Variants in RBM20 observed in about 807,000 individuals in gnomAD.
The protein encoded by RBM20 is RNA binding motif protein 20, also known as RNA-binding protein 20.
A neutral mutation model predicts 110.1 loss-of-function variants in RBM20; 51 were observed. The ratio of observed to expected loss-of-function variants is 0.46; its 90% confidence interval spans 0.37 to 0.59. RBM20 has a LOEUF of 0.59. Among genes scored for constraint, RBM20 ranks in the 20% least tolerant of loss-of-function variants. The pLI, the probability that RBM20 is intolerant of heterozygous loss-of-function variation, is 0.00. For synonymous variants in RBM20, 589 were observed against 618.2 expected (o/e 0.95, Z 0.70); for missense variants, 1,512 against 1,574.9 (o/e 0.96, Z 0.68).
chr10:110,687,995 T>TTGTGTGTGTGTGTGTGTGTG (rs60479740), intron 1 of RBM20, among the ~76,000 whole-genome samples: 1 of 145,376 alleles, frequency 6.9e-6, no homozygotes, highest in African/African-American at 2.5e-5. Flanking sequence ...CTAAATGGTT[T>TTGTGTGTGTGTGTGTGTGTG]TGTGTGTGTG....
At chr10:110,711,408 C>A (rs1378272175) in intron 1 of RBM20, among the ~76,000 whole-genome samples, 1 of 151,052 alleles carries the variant, frequency 6.6e-6, no homozygotes, top group Non-Finnish European at 1.5e-5. Flanking sequence ...CCACCTTTAC[C>A]CCAAGCTACC....
At chr10:110,820,986 A>G (rs919479246) in intron 10 of RBM20, among the ~76,000 whole-genome samples, 2 of 152,220 alleles carry the variant, frequency 1.3e-5, no homozygotes, top group African/African-American at 4.8e-5. Context: ...TTCATTATTC[A>G]TGCATTCAAA....
rs1341075680 is a variant in RBM20 at position 110,838,456 on chromosome 10, T to A, written c.*2478T>A. ...TCCATTTCTCAGAAAACCTTTGATC[T>A]TGTGTGTCTTTCTTCCTACTGAAGG... On this transcript the variant is annotated 3_prime_UTR_variant, in exon 14 of 14. Transcript: ENST00000369519. 6.6e-6 allele frequency: 1 copy of A among 152,236 alleles called. No homozygotes were observed. The highest frequency in any genetic ancestry group is 2.4e-5 in the African/African-American group (1 of 41,450). 9.4% of individuals were successfully genotyped at this position (152,236 alleles called of 1,614,324 possible).
At chr10:110,718,560 T>G (rs1458103813) in intron 1 of RBM20, among the ~76,000 whole-genome samples, 2 of 151,546 alleles carry the variant, frequency 1.3e-5, no homozygotes, top group Non-Finnish European at 2.9e-5. Flanking sequence ...TTTTTTAGTT[T>G]TTTTTTTTTG....
In RBM20 at chr10:110,678,226, C is replaced by T. The variant is rs534275461; in HGVS notation, c.191+33581C>T. Reference sequence around the variant, plus strand: ...AAGTTTATCCACACAAAACAAATCCCTATAAAAACCTAACCAAAGAGCAAA... The same window carrying T: ...AAGTTTATCCACACAAAACAAATCCTTATAAAAACCTAACCAAAGAGCAAA... On this transcript the variant is annotated intron_variant, in intron 1 of 13. Transcript: ENST00000369519. Among the ~76,000 whole-genome samples the T allele has an allele frequency of 6.6e-5, 10 of 152,236 alleles. No individual in the cohort carries two copies. In the South Asian group the frequency reaches 1.9e-3, roughly 28 times the overall value.
At position 110,644,524 on chromosome 10, in the gene RBM20, T is replaced by C. The variant is rs1371624996; in HGVS notation, c.70T>C (p.Cys24Arg). The change falls in exon 1 of 14, where the codon TGC (cysteine) becomes CGC (arginine). Residue 24 changes from cysteine (C) to arginine (R), a missense_variant. Cys to Arg is a radical substitution (Grantham distance 180). Transcript: ENST00000369519. This position sits in a 1 kb window ranked among gnomAD's most constrained non-coding sequence, Gnocchi z 4.3. ...TCCGGAGCAGCCGGACAGAGTTGCC[T>C]GCAGTGTGCCTGGTGCCCGGGCGTC... ...SGPEQPDRVA[C>R]SVPGARASPA... 1.3e-6 allele frequency: 2 copies of C among 1,529,402 alleles called. No homozygotes were observed. Among genetic ancestry groups the C allele is most frequent in the Non-Finnish European group, 1.8e-6 (2 of 1,141,486 alleles). The allele number at this position is 1,529,402 out of a possible 1,614,324, so 94.7% of individuals were successfully genotyped here. A position where few individuals can be genotyped will look rare whatever the true frequency, so the allele number is the denominator to read the frequency against.
At chr10:110,823,975 C>T (rs1844950832) in intron 12 of RBM20, among the ~76,000 whole-genome samples, 1 of 151,844 alleles carries the variant, frequency 6.6e-6, no homozygotes, top group African/African-American at 2.4e-5. Context: ...GATCCTCCTG[C>T]CTCAGCTTCC....
rs1485843865 is a variant in RBM20, at chr10:110,837,812, G to A, written c.*1834G>A. ...AGAGAGCAGTTAAGGCAAGCACCAG[G>A]GGAAAGCAGACCAACTTGAACAGAT... On this transcript the variant is annotated 3_prime_UTR_variant, in exon 14 of 14. Coordinates refer to ENST00000369519, the MANE Select transcript of RBM20 (RefSeq NM_001134363.3). 12 of 152,310 alleles carry A rather than the reference G, an allele frequency of 7.9e-5. No homozygotes were observed. The highest frequency in any genetic ancestry group is 4.6e-4 in the Admixed American group (7 of 15,280). 9.4% of individuals were successfully genotyped at this position (152,310 alleles called of 1,614,324 possible). A position where few individuals can be genotyped will look rare whatever the true frequency, so the allele number is the denominator to read the frequency against.
At chr10:110,802,303 C>T (rs903246272) in intron 7 of RBM20, among the ~76,000 whole-genome samples, 1 of 151,994 alleles carries the variant, frequency 6.6e-6, no homozygotes, top group Admixed American at 6.6e-5. Flanking sequence ...CAACCAGCTT[C>T]CAGAGTCCTG....
At chr10:110,679,720 G>T (rs904160637) in intron 1 of RBM20, among the ~76,000 whole-genome samples, 1 of 152,186 alleles carries the variant, frequency 6.6e-6, no homozygotes, top group South Asian at 2.1e-4. Flanking sequence ...CCACAGGCTG[G>T]CAGTCTGTCT....
At chr10:110,780,734 CAAAG>C (rs1844326212) in intron 1 of RBM20, 63 bp from the exon 2 acceptor site, 1 of 1,440,832 alleles carries the variant, frequency 6.9e-7, no homozygotes, top group African/African-American at 1.4e-5. Context: ...CCACAGATAA[CAAAG>C]AACAGCCCCT....
chr10:110,802,742 G>T (rs1016073204), intron 7 of RBM20, among the ~76,000 whole-genome samples: 2 of 152,172 alleles, frequency 1.3e-5, no homozygotes, highest in Non-Finnish European at 2.9e-5. Context: ...GGTGGAACTG[G>T]GCCAGGTGCC....
chr10:110,817,644 G>A (rs1245995402), intron 9 of RBM20, among the ~76,000 whole-genome samples: 1 of 152,242 alleles, frequency 6.6e-6, no homozygotes, highest in East Asian at 1.9e-4. Context: ...AAGAGCTTGA[G>A]TATTAAGTGC....
intron 1 of RBM20, among the ~76,000 whole-genome samples, chr10:110,690,590 T>A (rs1034125964): frequency 6.6e-6 from 1 of 152,192 alleles, no homozygotes; most frequent in African/African-American, 2.4e-5. Context: ...CTACTTTCTG[T>A]CTCTATGAAT....
intron 1 of RBM20, among the ~76,000 whole-genome samples, chr10:110,751,364 T>C (rs1402238075): frequency 6.6e-6 from 1 of 152,194 alleles, no homozygotes; most frequent in Non-Finnish European, 1.5e-5. Flanking sequence ...CACAGCATCA[T>C]TTCACAAAGC....
At chr10:110,782,576 T>C (rs1264511568) in intron 2 of RBM20, among the ~76,000 whole-genome samples, 1 of 152,198 alleles carries the variant, frequency 6.6e-6, no homozygotes, top group Non-Finnish European at 1.5e-5. Flanking sequence ...GAGGTAGATA[T>C]TATTATGATT....
chr10:110,767,335 G>T (rs1344000597), intron 1 of RBM20, among the ~76,000 whole-genome samples: 2 of 145,752 alleles, frequency 1.4e-5, no homozygotes, highest in African/African-American at 2.6e-5. Context: ...CTAGCCGGGT[G>T]GGGGGCTGAC....
intron 1 of RBM20, among the ~76,000 whole-genome samples, chr10:110,656,944 A>G (rs1310239829): frequency 6.6e-6 from 1 of 151,780 alleles, no homozygotes; most frequent in Non-Finnish European, 1.5e-5. Context: ...TTTTTGTACA[A>G]GTTTTTGTTT....
intron 13 of RBM20, among the ~76,000 whole-genome samples, chr10:110,834,149 A>G (rs17764171): frequency 0.18 from 27,780 of 152,118 alleles, 3,295 homozygotes; most frequent in Non-Finnish European, 0.27. Context: ...CGATAGGAAA[A>G]CTAGATACCT....
Sources: allele counts gnomAD v4.1 joint callset (sites outside exome capture counted in the v4.1 genomes callset), GRCh38; gene constraint gnomAD v4.1.1; non-coding constraint Gnocchi (gnomAD v3.1); transcripts MANE v1.5; gene names NCBI Gene and HGNC (gene_info 2026-07-23, HGNC 2026-07-21).